The following PLA2G6 variants were observed in gnomAD, a reference collection of about 807,000 sequenced individuals.
PLA2G6 encodes phospholipase A2 group VI.
A neutral mutation model predicts 83.8 loss-of-function variants in PLA2G6; 62 were observed. That is an observed-to-expected ratio of 0.74 (90% CI 0.60 to 0.91). The LOEUF is 0.91. Among genes scored for constraint, PLA2G6 ranks in the 40% least tolerant of loss-of-function variants. PLA2G6 has a pLI of 0.00. For synonymous variants in PLA2G6, 417 were observed against 449.8 expected (o/e 0.93, Z 0.92); for missense variants, 944 against 1,102.0 (o/e 0.86, Z 2.03).
At chr22:38,130,611 C>T (rs1369183201) in intron 7 of PLA2G6, 1 of 151,994 alleles carries the variant, frequency 6.6e-6, no homozygotes, top group African/African-American at 2.4e-5. Flanking sequence ...GCCACCGCGC[C>T]CTGCATTGGT....
At chr22:38,142,706 C>T (rs977704216) in intron 4 of PLA2G6, 1 of 327,618 alleles carries the variant, frequency 3.1e-6, no homozygotes, top group South Asian at 2.7e-5. Context: ...CTGCATGCAG[C>T]CTGCAGGGCC....
intron 4 of PLA2G6, chr22:38,142,877 C>A: frequency 1.6e-6 from 1 of 613,444 alleles, no homozygotes; most frequent in Non-Finnish European, 2.9e-6. Context: ...GGGTTGGAGG[C>A]CGTCCCCAGG....
At chr22:38,160,798 T>C (rs2089979182) in intron 2 of PLA2G6, among the ~76,000 whole-genome samples, 1 of 152,100 alleles carries the variant, frequency 6.6e-6, no homozygotes, top group East Asian at 1.9e-4. Flanking sequence ...TAAGCAGAGA[T>C]TGCGCCACCG....
chr22:38,111,995 G>T lies in PLA2G6; in HGVS notation c.*166C>A. ...GGAAGGCGGGGTTAGTGGGAGACAG[G>T]CCTTCAGGACCAGCCTCGGGCAGGC... On this transcript the variant is annotated 3_prime_UTR_variant, in exon 17 of 17. Transcript: ENST00000332509. 1.3e-6 allele frequency: 1 copy of T among 747,552 alleles called. No individual in the cohort carries two copies. The highest frequency in any genetic ancestry group is 2.3e-6 in the Non-Finnish European group (1 of 442,828). 46.3% of individuals were successfully genotyped at this position (747,552 alleles called of 1,614,324 possible). A position where few individuals can be genotyped will look rare whatever the true frequency, so the allele number is the denominator to read the frequency against.
chr22:38,176,074 TA>T (rs2090619291), intron 1 of PLA2G6, among the ~76,000 whole-genome samples: 1 of 152,262 alleles, frequency 6.6e-6, no homozygotes, highest in East Asian at 1.9e-4. Flanking sequence ...CACCAGTAGC[TA>T]ACGGCCCACA....
chr22:38,172,945 G>C (rs1397777311), intron 1 of PLA2G6, among the ~76,000 whole-genome samples: 1 of 152,242 alleles, frequency 6.6e-6, no homozygotes, highest in African/African-American at 2.4e-5. Context: ...GTAGGCAGGA[G>C]GACGAGATGA....
intron 1 of PLA2G6, among the ~76,000 whole-genome samples, chr22:38,170,195 CAA>C (rs132990): frequency 2.3e-4 from 17 of 75,498 alleles, no homozygotes; most frequent in Admixed American, 6.1e-4. Flanking sequence ...GACTCTGTCT[CAA>C]AAAAAAAAAA....
rs2086890521 is a variant in PLA2G6, at chr22:38,111,952, G to T, written c.*209C>A. ...AGGGGGCTCTAGACTTTCCCAGCCTGGAATGACAGAAAGTGCTGGAAGGCG... is the reference window on the plus strand; with the variant it reads ...AGGGGGCTCTAGACTTTCCCAGCCTTGAATGACAGAAAGTGCTGGAAGGCG... On this transcript the variant is annotated 3_prime_UTR_variant, in exon 17 of 17. Transcript: ENST00000332509. 1 of 619,398 alleles carries T rather than the reference G, an allele frequency of 1.6e-6. No individual in the cohort carries two copies. Among genetic ancestry groups the T allele is most frequent in the Non-Finnish European group, 2.9e-6 (1 of 348,776 alleles). The allele number at this position is 619,398 out of a possible 1,614,324, so 38.4% of individuals were successfully genotyped here. A position where few individuals can be genotyped will look rare whatever the true frequency, so the allele number is the denominator to read the frequency against.
rs761961717 is a variant in PLA2G6, at chr22:38,112,202, C to G, written c.2380G>C (p.Glu794Gln). 3.7e-6 allele frequency: 6 copies of G among 1,605,414 alleles called. No homozygotes were observed. The highest frequency in any genetic ancestry group is 1.3e-5 in the African/African-American group (1 of 74,744). The change falls in exon 17 of 17, where the codon GAG becomes CAG. Residue 794 changes from glutamate (E) to glutamine (Q), a missense_variant. Coordinates refer to ENST00000332509, the MANE Select transcript of PLA2G6 (RefSeq NM_003560.4). ...AGCTGGATGAGCTTCTGGAACTCCT[C>G]GCGGTGCTCATAGATGTAGACCTCG... ...ETEVYIYEHR[E>Q]EFQKLIQLLL...
chr22:38,160,930 C>T (rs1411883285), intron 2 of PLA2G6, among the ~76,000 whole-genome samples: 1 of 151,998 alleles, frequency 6.6e-6, no homozygotes, highest in South Asian at 2.1e-4. Context: ...TTCTGGGGTG[C>T]TGTAATGTCC....
intron 1 of PLA2G6, chr22:38,180,184 G>C (rs112408626): frequency 1.4e-5 from 2 of 140,264 alleles, no homozygotes; most frequent in African/African-American, 2.8e-5. Flanking sequence ...CACACACACA[G>C]AGTATTTAAA....
At chr22:38,153,941 G>A (rs132954) in intron 2 of PLA2G6, among the ~76,000 whole-genome samples, 27,793 of 152,078 alleles carry the variant, frequency 0.18, 2,825 homozygotes, top group East Asian at 0.44. Flanking sequence ...CTGAATGAAC[G>A]TTGGCAGTGG....
intron 6 of PLA2G6, 107 bp downstream of exon 6, chr22:38,134,881 C>T (rs920798065): frequency 4.1e-6 from 3 of 733,406 alleles, no homozygotes; most frequent in African/African-American, 1.7e-5. Context: ...AAGGTCAGCC[C>T]CCAAGTGCTA....
At chr22:38,116,495 C>A in intron 12 of PLA2G6, 1 of 563,388 alleles carries the variant, frequency 1.8e-6, no homozygotes. Context: ...TAAAACATGG[C>A]TGTTATCTGT....
chr22:38,152,935 G>C (rs2089626689), intron 2 of PLA2G6, among the ~76,000 whole-genome samples: 1 of 152,120 alleles, frequency 6.6e-6, no homozygotes, highest in Non-Finnish European at 1.5e-5. Flanking sequence ...GTGATGGAAT[G>C]CACATAGGTA....
chr22:38,176,025 C>T (rs1001603275), intron 1 of PLA2G6, among the ~76,000 whole-genome samples: 1 of 152,134 alleles, frequency 6.6e-6, no homozygotes, highest in Non-Finnish European at 1.5e-5. Flanking sequence ...CTGCCATGCT[C>T]CTCTCCACAA....
At chr22:38,126,532 G>T in intron 9 of PLA2G6, 83 bp from the exon 10 acceptor site, 3 of 997,752 alleles carry the variant, frequency 3.0e-6, no homozygotes, top group Non-Finnish European at 4.7e-6. Context: ...TCAAACCTGG[G>T]CTGTGCCTCG....
intron 1 of PLA2G6, among the ~76,000 whole-genome samples, chr22:38,171,792 G>T (rs133003): frequency 1.3e-5 from 2 of 150,084 alleles, no homozygotes; most frequent in Non-Finnish European, 2.9e-5. Context: ...CCGCACTCCA[G>T]CCTAGGTGAC....
intron 2 of PLA2G6, among the ~76,000 whole-genome samples, chr22:38,158,372 T>C (rs767111878): frequency 5.3e-5 from 8 of 152,106 alleles, no homozygotes; most frequent in Non-Finnish European, 7.4e-5. Flanking sequence ...GGTTTCACCA[T>C]GTTGGCCAGG....
Sources: allele counts gnomAD v4.1 joint callset (sites outside exome capture counted in the v4.1 genomes callset), GRCh38; gene constraint gnomAD v4.1.1; transcripts MANE v1.5; gene names NCBI Gene and HGNC (gene_info 2026-07-23, HGNC 2026-07-21).